CFAP20DC: variants seen among roughly 807,000 people sequenced by gnomAD.
CFAP20DC encodes the protein protein CFAP20DC.
A neutral mutation model predicts 101.7 loss-of-function variants in CFAP20DC; 84 were observed. That is an observed-to-expected ratio of 0.83 (90% confidence interval 0.69 to 0.99). The LOEUF (loss-of-function observed/expected upper bound fraction) is 0.99, where lower values mean the gene tolerates loss of function less well. Among genes scored for constraint, CFAP20DC ranks in the 50% least tolerant of loss-of-function variants. CFAP20DC has a pLI of 0.00. For missense variants in CFAP20DC, 1,007 were observed against 970.3 expected, an observed-to-expected ratio of 1.04 and a Z score of -0.50; for synonymous variants, 359 against 351.2, an observed-to-expected ratio of 1.02 and a Z score of -0.25.
intron 2 of CFAP20DC, 144 bp downstream of exon 2, chr3:59,047,021 C>A: frequency 1.6e-6 from 1 of 615,938 alleles, no homozygotes; most frequent in Non-Finnish European, 2.8e-6. Flanking sequence ...GTGTCCAGGA[C>A]AGCTGCAGCC....
rs368348147 is a variant in CFAP20DC, at chr3:58,897,157, A to G, written c.551-12448T>C. 1.3e-4 allele frequency among the ~76,000 whole-genome samples: 20 copies of G among 151,866 alleles called. No individual in the cohort carries two copies. In the East Asian group the frequency reaches 3.7e-3, roughly 28 times the overall value. ...ATAATGCCCTTCTTTGTCTTTTTTG[A>G]TATTTGTTGGTTTAAAGTCTATTTG... On this transcript the variant is annotated intron_variant, in intron 6 of 16. Coordinates refer to ENST00000482387, the MANE Select transcript of CFAP20DC (RefSeq NM_001394063.1). The surrounding 1 kb of genome is among the most constrained non-coding windows in gnomAD (Gnocchi z 4.4).
At chr3:58,738,293 T>A (rs2067803682), downstream of CFAP20DC, among the ~76,000 whole-genome samples, 1 of 152,030 alleles carries the variant, frequency 6.6e-6, no homozygotes, top group Admixed American at 6.6e-5. The surrounding 1 kb of genome is among the most constrained non-coding windows in gnomAD (Gnocchi z 4.4). Flanking sequence ...TCACCTAGGT[T>A]ATTAAGCCCA....
At chr3:58,990,947 A>G (rs895738343) in intron 4 of CFAP20DC, among the ~76,000 whole-genome samples, 1 of 152,186 alleles carries the variant, frequency 6.6e-6, no homozygotes, top group Non-Finnish European at 1.5e-5. Flanking sequence ...TCCTGGCTCC[A>G]TACCAGAATG....
intron 16 of CFAP20DC, among the ~76,000 whole-genome samples, chr3:58,747,572 A>C (rs2068292297): frequency 6.6e-6 from 1 of 152,122 alleles, no homozygotes; most frequent in South Asian, 2.1e-4. Context: ...ATTTTTTTTA[A>C]AGTTAATGTA....
At chr3:58,815,944 C>A (rs2075090100) in intron 14 of CFAP20DC, among the ~76,000 whole-genome samples, 1 of 151,592 alleles carries the variant, frequency 6.6e-6, no homozygotes, top group Admixed American at 6.6e-5. Flanking sequence ...TTGTGGAAGT[C>A]AGTGTGGCGA....
intron 15 of CFAP20DC, among the ~76,000 whole-genome samples, chr3:58,779,603 A>G (rs2071639993): frequency 6.6e-6 from 1 of 152,214 alleles, no homozygotes; most frequent in Non-Finnish European, 1.5e-5. Flanking sequence ...GACTAGATCG[A>G]GCAGAAGAAA....
At chr3:58,923,419 G>A (rs116207917) in intron 5 of CFAP20DC, among the ~76,000 whole-genome samples, 1,555 of 152,120 alleles carry the variant, frequency 0.01, 29 homozygotes, top group African/African-American at 0.035. Context: ...TACTGGCAAT[G>A]GATTCTCTCA....
At chr3:58,768,316 T>C (rs928796154) in intron 15 of CFAP20DC, among the ~76,000 whole-genome samples, 3 of 152,094 alleles carry the variant, frequency 2.0e-5, no homozygotes, top group Admixed American at 2.0e-4. Context: ...GAAGAGAGAA[T>C]GAGGAAGTTT....
At chr3:59,016,585 T>C (rs1435654805) in intron 4 of CFAP20DC, among the ~76,000 whole-genome samples, 1 of 152,184 alleles carries the variant, frequency 6.6e-6, no homozygotes, top group East Asian at 1.9e-4. Context: ...TGTTAATTAC[T>C]GTAATCATTA....
chr3:59,046,343 A>G (rs1264025844), intron 2 of CFAP20DC, 21 bp from the exon 3 acceptor site: 15 of 1,386,722 alleles, frequency 1.1e-5, no homozygotes, highest in African/African-American at 2.9e-5. Flanking sequence ...AAATGAAAAC[A>G]GTAGTTATCA....
chr3:58,767,721 T>C (rs867105139), intron 15 of CFAP20DC, among the ~76,000 whole-genome samples: 10 of 152,292 alleles, frequency 6.6e-5, no homozygotes, highest in Middle Eastern at 3.4e-3. Flanking sequence ...TGAATAAGTA[T>C]TAAGATGCTG....
intron 5 of CFAP20DC, among the ~76,000 whole-genome samples, chr3:58,936,900 G>A (rs1415701324): frequency 2.0e-5 from 3 of 150,116 alleles, no homozygotes; most frequent in Non-Finnish European, 4.4e-5. Flanking sequence ...TTGTGCACAC[G>A]TACCCTAAAA....
At chr3:58,952,168 T>G (rs2090190515) in intron 4 of CFAP20DC, among the ~76,000 whole-genome samples, 1 of 152,190 alleles carries the variant, frequency 6.6e-6, no homozygotes, top group Non-Finnish European at 1.5e-5. Context: ...AGTGCTATTC[T>G]TAGTTTTCAG....
intron 3 of CFAP20DC, among the ~76,000 whole-genome samples, chr3:59,044,429 A>T (rs1699673047): frequency 6.6e-6 from 1 of 152,148 alleles, no homozygotes; most frequent in African/African-American, 2.4e-5. Context: ...ACAGTGCTAC[A>T]CATGATATAG....
downstream of CFAP20DC, among the ~76,000 whole-genome samples, chr3:58,738,989 T>A (rs1293259022): frequency 6.6e-6 from 1 of 152,236 alleles, no homozygotes; most frequent in African/African-American, 2.4e-5. The surrounding 1 kb of genome is among the most constrained non-coding windows in gnomAD (Gnocchi z 4.4). Context: ...TGTGACTACA[T>A]TATTCTTATT....
chr3:58,717,515 A>G lies in CFAP20DC; in HGVS notation c.*73T>C. 2.4e-6 allele frequency: 1 copy of G among 416,578 alleles called. No homozygotes were observed. Among genetic ancestry groups the G allele is most frequent in the South Asian group, 1.8e-5 (1 of 56,972 alleles). The allele number at this position is 416,578 out of a possible 1,614,324, so 25.8% of individuals were successfully genotyped here. ...AAACTGTAGTTCAGGATGAGTATAG[A>G]TGCTCAAGGAAGAAGTGAGGACCCA... On this transcript the variant is annotated 3_prime_UTR_variant, in exon 4 of 4. Coordinates refer to the CFAP20DC transcript ENST00000486145. The surrounding 1 kb of genome is among the most constrained non-coding windows in gnomAD (Gnocchi z 4.1).
chr3:58,805,258 G>A (rs1389369859), intron 15 of CFAP20DC, among the ~76,000 whole-genome samples: 1 of 152,200 alleles, frequency 6.6e-6, no homozygotes, highest in African/African-American at 2.4e-5. Flanking sequence ...CTATGGAGCA[G>A]AGAAAGCTGG....
chr3:59,044,689 T>C (rs915521114), intron 3 of CFAP20DC, among the ~76,000 whole-genome samples: 4 of 152,076 alleles, frequency 2.6e-5, no homozygotes, highest in Admixed American at 2.6e-4. Flanking sequence ...CTAAAAGTGA[T>C]TGATTTTTTT....
At chr3:58,738,751 T>C (rs2067814827), downstream of CFAP20DC, among the ~76,000 whole-genome samples, 1 of 152,052 alleles carries the variant, frequency 6.6e-6, no homozygotes. This position sits in a 1 kb window ranked among gnomAD's most constrained non-coding sequence, Gnocchi z 4.4. Flanking sequence ...TCTAGGTCTT[T>C]GAGGAAGGTG....
Sources: gnomAD v4.1 joint callset for allele counts (sites outside exome capture counted in the v4.1 genomes callset) on GRCh38, gnomAD v4.1.1 for gene constraint, Gnocchi (gnomAD v3.1) non-coding constraint, MANE v1.5 for transcripts, NCBI Gene and HGNC (gene_info 2026-07-23, HGNC 2026-07-21) for gene names.